Variants in ITGB5 observed in about 807,000 individuals in gnomAD.
ITGB5 encodes the protein integrin subunit beta 5, also known as integrin beta-5.
A neutral mutation model predicts 84.8 loss-of-function variants in ITGB5; 38 were observed. The observed-to-expected ratio is 0.45, with a 90% confidence interval of 0.35 to 0.59. The LOEUF (loss-of-function observed/expected upper bound fraction) is 0.59, where lower values mean the gene tolerates loss of function less well. Ranked by LOEUF, ITGB5 falls within the 20% of genes least tolerant of loss-of-function variation. The probability of loss-of-function intolerance (pLI) is 0.01; values close to 1 mark genes in which losing one functional copy is unlikely to be tolerated. For synonymous variants in ITGB5, 393 were observed against 414.4 expected (o/e 0.95, Z 0.63); for missense variants, 905 against 1,034.5 (o/e 0.87, Z 1.72).
intron 3 of ITGB5, among the ~76,000 whole-genome samples, chr3:124,853,723 T>C (rs1034984235): frequency 8.5e-5 from 13 of 152,166 alleles, no homozygotes; most frequent in African/African-American, 3.1e-4. Context: ...TACCTGTAGT[T>C]TAGTTAATAG....
At chr3:124,839,363 T>C (rs2064981763) in intron 5 of ITGB5, among the ~76,000 whole-genome samples, 1 of 152,192 alleles carries the variant, frequency 6.6e-6, no homozygotes, top group Non-Finnish European at 1.5e-5. Context: ...GGTTGAAGAT[T>C]TCATCCATCA....
chr3:124,775,657 A>G (rs959540682), intron 10 of ITGB5, among the ~76,000 whole-genome samples: 1 of 152,218 alleles, frequency 6.6e-6, no homozygotes, highest in Non-Finnish European at 1.5e-5. Flanking sequence ...CCACTCATCA[A>G]CTAGTGGGTG....
intron 2 of ITGB5, chr3:124,862,751 G>A (rs552821403): frequency 6.6e-6 from 1 of 152,186 alleles, no homozygotes; most frequent in South Asian, 2.1e-4. Flanking sequence ...GTTTTCCCAT[G>A]TTTCTCCTTA....
chr3:124,819,829 A>T lies in ITGB5; in HGVS notation c.948T>A (p.Tyr316Ter). 1 of 1,613,144 alleles carries T rather than the reference A, an allele frequency of 6.2e-7. No homozygotes were observed. The highest frequency in any genetic ancestry group is 8.5e-7 in the Non-Finnish European group (1 of 1,179,076). Residue 316 changes from tyrosine to a stop codon, truncating the protein, a stop_gained, in exon 7 of 15, where the codon TAT becomes TAA. Coordinates refer to ENST00000296181, the MANE Select transcript of ITGB5 (RefSeq NM_002213.5). LOFTEE classifies it high-confidence loss of function. ...TCTCTCCAAGCAAGGCAAGGGATGG[A>T]TAGTCCTAGGGCCAAGGCAAAAGTC... The part of the protein sequence containing the change: ...NEYTASNQMD[Y>*]PSLALLGEKL...
intron 8 of ITGB5, among the ~76,000 whole-genome samples, chr3:124,810,751 A>T (rs2064486183): frequency 6.6e-6 from 1 of 152,108 alleles, no homozygotes; most frequent in Non-Finnish European, 1.5e-5. Flanking sequence ...CTGTTTATAC[A>T]CTCAACACAG....
chr3:124,880,984 T>C (rs1436695549), intron 1 of ITGB5, among the ~76,000 whole-genome samples: 2 of 146,656 alleles, frequency 1.4e-5, no homozygotes, highest in East Asian at 3.9e-4. Flanking sequence ...ATGTAAAAGT[T>C]TGTTTGTTTG....
intron 1 of ITGB5, among the ~76,000 whole-genome samples, chr3:124,882,392 G>T (rs114639656): frequency 6.6e-6 from 1 of 152,206 alleles, no homozygotes; most frequent in Non-Finnish European, 1.5e-5. Flanking sequence ...AGCTGGGAGC[G>T]GCCAGGGAAA....
At chr3:124,832,650 C>T (rs563645823) in intron 5 of ITGB5, among the ~76,000 whole-genome samples, 3 of 152,370 alleles carry the variant, frequency 2.0e-5, no homozygotes, top group Non-Finnish European at 1.5e-5. Flanking sequence ...GCCTTAGATC[C>T]TACACATACA....
chr3:124,894,294 C>T (rs181842526), intron 1 of ITGB5, among the ~76,000 whole-genome samples: 5 of 151,810 alleles, frequency 3.3e-5, no homozygotes, highest in East Asian at 3.9e-4. Flanking sequence ...CCACCATGCC[C>T]GGCTAATTTT....
intron 11 of ITGB5, among the ~76,000 whole-genome samples, chr3:124,772,017 C>T (rs1483823888): frequency 7.2e-5 from 11 of 152,074 alleles, no homozygotes; most frequent in Admixed American, 7.2e-4. Context: ...TCCCCATTTA[C>T]CTAGTGTGCC....
intron 12 of ITGB5, among the ~76,000 whole-genome samples, chr3:124,768,126 G>C (rs1008537047): frequency 6.6e-6 from 1 of 152,170 alleles, no homozygotes. Context: ...GTGGGAACAA[G>C]GAAGTCTACA....
intron 8 of ITGB5, among the ~76,000 whole-genome samples, chr3:124,816,577 C>A (rs1034337649): frequency 6.6e-6 from 1 of 152,164 alleles, no homozygotes; most frequent in African/African-American, 2.4e-5. Flanking sequence ...GATGCCATAA[C>A]CATCTTGGGA....
chr3:124,796,291 C>A, intron 10 of ITGB5, 97 bp downstream of exon 10: 1 of 1,150,934 alleles, frequency 8.7e-7, no homozygotes. Context: ...GGTAGTGACA[C>A]TTTCTACCAC....
intron 1 of ITGB5, among the ~76,000 whole-genome samples, chr3:124,899,721 G>A (rs1935180575): frequency 6.6e-6 from 1 of 151,738 alleles, no homozygotes; most frequent in African/African-American, 2.4e-5. Flanking sequence ...TGGGTGTGGT[G>A]GCATTCACCT....
intron 8 of ITGB5, among the ~76,000 whole-genome samples, chr3:124,812,444 G>A (rs1056634145): frequency 2.0e-5 from 3 of 152,208 alleles, no homozygotes; most frequent in Admixed American, 6.5e-5. Flanking sequence ...AGAAACATGT[G>A]CTCTGCTAGA....
At chr3:124,856,854 T>C (rs1159272209) in intron 3 of ITGB5, among the ~76,000 whole-genome samples, 1 of 152,238 alleles carries the variant, frequency 6.6e-6, no homozygotes, top group Non-Finnish European at 1.5e-5. Flanking sequence ...ACCAACCATC[T>C]GCCCACATAA....
chr3:124,804,664 C>G (rs986117777), intron 9 of ITGB5, among the ~76,000 whole-genome samples: 19 of 150,112 alleles, frequency 1.3e-4, no homozygotes, highest in African/African-American at 4.7e-4. Flanking sequence ...ATTCACTTAT[C>G]TTTTTTGTTT....
chr3:124,859,632 G>A (rs116172047), intron 2 of ITGB5, among the ~76,000 whole-genome samples, 186 bp from the exon 3 acceptor site: 1 of 152,302 alleles, frequency 6.6e-6, no homozygotes, highest in Non-Finnish European at 1.5e-5. Context: ...AGGATTAACT[G>A]AGCTGCTGGA....
Position 124,796,601 on chromosome 3 carries a change from G to C in ITGB5, c.1480C>G (p.Leu494Val), listed in dbSNP as rs775942069. ...TCCTGGCACTCGCACCTGGTGCCCA[G>C]GTAGCCGGGGCTGCACTCACACAGG... ...CGLCECSPGY[L>V]GTRCECQDGE... Residue 494 changes from leucine (L) to valine (V), a missense_variant, in exon 10 of 15, where the codon CTG becomes GTG. By Grantham distance (32) the Leu-to-Val change is conservative (BLOSUM62 1). Transcript: ENST00000296181. 1 of 1,614,134 alleles carries C rather than the reference G, an allele frequency of 6.2e-7. No individual in the cohort carries two copies. The highest frequency in any genetic ancestry group is 8.5e-7 in the Non-Finnish European group (1 of 1,180,032).
Sources: allele counts gnomAD v4.1 joint callset (sites outside exome capture counted in the v4.1 genomes callset), GRCh38; gene constraint gnomAD v4.1.1; transcripts MANE v1.5; gene names NCBI Gene and HGNC (gene_info 2026-07-23, HGNC 2026-07-21).